The following CYGB variants were observed in gnomAD, a reference collection of about 807,000 sequenced individuals.
CYGB encodes the protein cytoglobin.
In CYGB, 13 loss-of-function variants were observed where a neutral mutation model predicts 20.7. The observed-to-expected ratio is 0.63, with a 90% CI of 0.41 to 1.00. The LOEUF is 1.00. Among genes scored for constraint, CYGB ranks in the 50% least tolerant of loss-of-function variants. The pLI, the probability that CYGB is intolerant of heterozygous loss-of-function variation, is 0.00. For synonymous variants in CYGB, 93 were observed against 107.4 expected (o/e 0.87, Z 0.83); for missense variants, 218 against 257.2 (o/e 0.85, Z 1.04).
Position 76,528,722 on chromosome 17 carries a change from C to A in CYGB, c.540-111G>T. 9.0e-7 allele frequency: 1 copy of A among 1,109,332 alleles called. No individual in the cohort carries two copies. The allele number at this position is 1,109,332 out of a possible 1,614,324, so 68.7% of individuals were successfully genotyped here. A position where few individuals can be genotyped will look rare whatever the true frequency, so the allele number is the denominator to read the frequency against. ...CGAGGCTCACTTCCTGCCAAGAGAT[C>A]CGGCACAGTGCAGTTGAAAGCAACC... is the stretch of plus-strand genomic sequence containing the variant. On this transcript the variant is annotated intron_variant, in intron 3 of 3. Transcript: ENST00000293230. This position sits in a 1 kb window ranked among gnomAD's most constrained non-coding sequence, Gnocchi z 5.8.
At chr17:76,532,692 C>T (rs993364721) in intron 1 of CYGB, among the ~76,000 whole-genome samples, 4 of 152,002 alleles carry the variant, frequency 2.6e-5, no homozygotes, top group African/African-American at 7.2e-5. Flanking sequence ...TCACCACGCC[C>T]GGCTAGCTAA....
Position 76,531,760 on chromosome 17 carries a change from A to G in CYGB, c.144-69T>C. The G allele has an allele frequency of 7.4e-7, 1 of 1,354,602 alleles. No individual in the cohort carries two copies. Among genetic ancestry groups the G allele is most frequent in the East Asian group, 2.4e-5 (1 of 41,892 alleles). The allele number at this position is 1,354,602 out of a possible 1,614,324, so 83.9% of individuals were successfully genotyped here. On this transcript the variant is annotated intron_variant, in intron 1 of 3. Transcript: ENST00000293230. This position sits in a 1 kb window ranked among gnomAD's most constrained non-coding sequence, Gnocchi z 7.4. ...TCGGGCCCACCCTGAAGCTTCCAGG[A>G]TAGTGGGGGCTGAAGAAGTGGACCG...
intron 1 of CYGB, chr17:76,544,638 T>C (rs1466236482): frequency 8.8e-6 from 4 of 456,662 alleles, no homozygotes; most frequent in Non-Finnish European, 1.3e-5. Flanking sequence ...CCTGTCAGCC[T>C]GTCTCTCTCT....
intron 1 of CYGB, chr17:76,545,169 C>T (rs1426845878): frequency 2.2e-6 from 1 of 456,748 alleles, no homozygotes; most frequent in Admixed American, 2.3e-5. Context: ...GGGGCCTCTC[C>T]CACCCCTGGG....
intron 1 of CYGB, among the ~76,000 whole-genome samples, chr17:76,534,146 TTCTCTCTC>T (rs71158013): frequency 0.02 from 2,550 of 129,010 alleles, 42 homozygotes; most frequent in African/African-American, 0.039. Context: ...CTCTTTCTCT[TTCTCTCTC>T]TCTCTCTCTC....
rs112261212 is a variant in CYGB, at chr17:76,531,761, T to C, written c.144-70A>G. ...CGGGCCCACCCTGAAGCTTCCAGGA[T>C]AGTGGGGGCTGAAGAAGTGGACCGC... is the stretch of plus-strand genomic sequence containing the variant. On this transcript the variant is annotated intron_variant, in intron 1 of 3. Transcript: ENST00000293230. The surrounding 1 kb of genome is among the most constrained non-coding windows in gnomAD (Gnocchi z 7.4). 4.5e-6 allele frequency: 6 copies of C among 1,347,694 alleles called. No individual in the cohort carries two copies. The highest frequency in any genetic ancestry group is 5.1e-6 in the Non-Finnish European group (5 of 977,826). The allele number at this position is 1,347,694 out of a possible 1,614,324, so 83.5% of individuals were successfully genotyped here.
upstream of CYGB, among the ~76,000 whole-genome samples, chr17:76,539,228 C>G (rs1003684509): frequency 6.6e-6 from 1 of 152,246 alleles, no homozygotes; most frequent in African/African-American, 2.4e-5. Flanking sequence ...TGAACAGCTT[C>G]TCAAAGTTGG....
upstream of CYGB, among the ~76,000 whole-genome samples, chr17:76,541,002 A>G (rs575634165): frequency 6.6e-5 from 10 of 152,292 alleles, no homozygotes; most frequent in Admixed American, 1.3e-4. Context: ...CCAGTCCCCA[A>G]TAGAAGGCGC....
chr17:76,543,727 C>T (rs895843522), intron 1 of CYGB: 7 of 467,942 alleles, frequency 1.5e-5, no homozygotes, highest in Middle Eastern at 5.8e-4. Flanking sequence ...TCTGTTAAGC[C>T]GCCACTTGTG....
chr17:76,547,702 C>G (rs1015470969), intron 1 of CYGB, among the ~76,000 whole-genome samples: 2 of 151,128 alleles, frequency 1.3e-5, no homozygotes, highest in African/African-American at 4.9e-5. Flanking sequence ...CACACACAGA[C>G]ACACACACAC....
At chr17:76,540,257 GGGGGGGCAT>G, upstream of CYGB, 1 of 1,159,348 alleles carries the variant, frequency 8.6e-7, no homozygotes, top group Non-Finnish European at 1.3e-6. This position sits in a 1 kb window ranked among gnomAD's most constrained non-coding sequence, Gnocchi z 5.0. Flanking sequence ...TGGTCGGGGG[GGGGGGGCAT>G]GGGGCTGGGC....
chr17:76,537,715 T>C (rs2074936615), upstream of CYGB: 4 of 358,142 alleles, frequency 1.1e-5, no homozygotes, highest in Non-Finnish European at 1.5e-5. Flanking sequence ...TGTGTGTGTG[T>C]GCGTGCGTGT....
upstream of CYGB, chr17:76,540,583 G>T: frequency 1.2e-6 from 2 of 1,613,036 alleles, no homozygotes. This position sits in a 1 kb window ranked among gnomAD's most constrained non-coding sequence, Gnocchi z 5.0. Context: ...GGTAAGGCAG[G>T]AGTCTGGGCT....
chr17:76,533,527 C>A lies in CYGB; in HGVS notation c.144-1836G>T, dbSNP rs2074874029. 6.6e-6 allele frequency among the ~76,000 whole-genome samples: 1 copy of A among 152,136 alleles called. No individual in the cohort carries two copies. Among genetic ancestry groups the A allele is most frequent in the South Asian group, 2.1e-4 (1 of 4,826 alleles). ...ATTGCTTGAGCTCAGGCATTTGAGACCAGCCTGGGCAATGTGGCAAACCCT... is the reference window on the plus strand; with the variant it reads ...ATTGCTTGAGCTCAGGCATTTGAGAACAGCCTGGGCAATGTGGCAAACCCT... On this transcript the variant is annotated intron_variant, in intron 1 of 3. Coordinates refer to ENST00000293230, the MANE Select transcript of CYGB (RefSeq NM_134268.5). This position sits in a 1 kb window ranked among gnomAD's most constrained non-coding sequence, Gnocchi z 4.5.
chr17:76,542,256 G>A (rs749758024), upstream of CYGB, among the ~76,000 whole-genome samples: 8 of 152,170 alleles, frequency 5.3e-5, no homozygotes, highest in Non-Finnish European at 4.4e-5. Context: ...CTGGCCTGGC[G>A]TGACTTAGCC....
Position 76,530,972 on chromosome 17 carries a change from T to C in CYGB, c.539+7A>G, listed in dbSNP as rs764011678. 9.5e-6 allele frequency: 15 copies of C among 1,586,632 alleles called. No individual in the cohort carries two copies. The Admixed American group carries it at 2.6e-4, about 28-fold the overall frequency. On this transcript the variant is annotated splice_region_variant and intron_variant, in intron 3 of 3. Coordinates refer to ENST00000293230, the MANE Select transcript of CYGB (RefSeq NM_134268.5). This position sits in a 1 kb window ranked among gnomAD's most constrained non-coding sequence, Gnocchi z 6.1. The stretch of plus-strand genomic sequence containing the variant: ...GCTGCCCAGCCCACCCTCGCCCGCC[T>C]CCTCACGTGGTGGCGTTGGGGACCT...
chr17:76,531,316 C>T lies in CYGB; in HGVS notation c.375+144G>A. Reference sequence around the variant, plus strand: ...GTTGCCCTGGACCCAGCCCCTCCATCCTGCTGCCGGGCACTGCCCCTCCCT... The same window carrying T: ...GTTGCCCTGGACCCAGCCCCTCCATTCTGCTGCCGGGCACTGCCCCTCCCT... On this transcript the variant is annotated intron_variant, in intron 2 of 3. Coordinates refer to ENST00000293230, the MANE Select transcript of CYGB (RefSeq NM_134268.5). This position sits in a 1 kb window ranked among gnomAD's most constrained non-coding sequence, Gnocchi z 7.4. 3 of 1,220,550 alleles carry T rather than the reference C, an allele frequency of 2.5e-6. No homozygotes were observed. Among genetic ancestry groups the T allele is most frequent in the Non-Finnish European group, 3.4e-6 (3 of 877,256 alleles). 75.6% of individuals were successfully genotyped at this position (1,220,550 alleles called of 1,614,324 possible). A position where few individuals can be genotyped will look rare whatever the true frequency, so the allele number is the denominator to read the frequency against.
upstream of CYGB, chr17:76,539,980 C>G (rs778170546): frequency 1.9e-4 from 134 of 707,892 alleles, no homozygotes; most frequent in Non-Finnish European, 2.9e-4. Context: ...CTCACAAGGT[C>G]GGGGCCGCTG....
In CYGB at chr17:76,531,001, G is replaced by A. The variant is rs931186524; in HGVS notation, c.517C>T (p.Gln173Ter). 1 of 1,611,132 alleles carries A rather than the reference G, an allele frequency of 6.2e-7. No homozygotes were observed. The highest frequency in any genetic ancestry group is 8.5e-7 in the Non-Finnish European group (1 of 1,178,596). The change falls in exon 3 of 4, where the codon CAG becomes TAG. Residue 173 changes from glutamine (Q) to a stop codon, truncating the protein, a stop_gained. Coordinates refer to ENST00000293230, the MANE Select transcript of CYGB (RefSeq NM_134268.5). LOFTEE classifies it high-confidence loss of function. The surrounding 1 kb of genome is among the most constrained non-coding windows in gnomAD (Gnocchi z 7.4). ...TAAYKEVGWV[Q>*]QVPNATTPPA... The stretch of plus-strand genomic sequence containing the variant: ...CACGTGGTGGCGTTGGGGACCTGCT[G>A]CACCCAGCCCACTTCCTTGTAGGCA...
Sources: allele counts gnomAD v4.1 joint callset (sites outside exome capture counted in the v4.1 genomes callset), GRCh38; gene constraint gnomAD v4.1.1; non-coding constraint Gnocchi (gnomAD v3.1); transcripts MANE v1.5; gene names NCBI Gene and HGNC (gene_info 2026-07-23, HGNC 2026-07-21).